Variants in FAR2 observed in about 807,000 individuals in gnomAD.
FAR2 encodes the protein epididymis secretory protein Li 81.
In FAR2, 19 loss-of-function variants were observed where a neutral mutation model predicts 56.0. The observed-to-expected ratio is 0.34, with a 90% CI of 0.24 to 0.50. The LOEUF (loss-of-function observed/expected upper bound fraction) is 0.50. FAR2 is among the 20% of genes least tolerant of loss of function. The pLI, the probability that FAR2 is intolerant of heterozygous loss-of-function variation, is 0.98. For missense variants in FAR2, 508 were observed against 642.2 expected (o/e 0.79, Z 2.26); for synonymous variants, 219 against 218.8 (o/e 1.00, Z -0.01).
rs547149372 is a variant in FAR2, at chr12:29,204,248, C to T, written c.-39+54841C>T. ...TTTTTTCACATTTTTTTTTCAAGTA[C>T]CTCCTCTAAACCAGGACTATGTTGG... On this transcript the variant is annotated intron_variant, in intron 1 of 11. Coordinates refer to ENST00000536681, the MANE Select transcript of FAR2 (RefSeq NM_001271783.2). Among the ~76,000 whole-genome samples, 3 of 151,774 alleles carry T rather than the reference C, an allele frequency of 2.0e-5. No homozygotes were observed. The South Asian group carries it at 6.2e-4, about 32-fold the overall frequency.
intron 1 of FAR2, among the ~76,000 whole-genome samples, chr12:29,197,253 T>C (rs1338832128): frequency 2.0e-5 from 3 of 152,204 alleles, no homozygotes; most frequent in Non-Finnish European, 2.9e-5. Context: ...TGACTGGCTA[T>C]GTTCATTTAG....
intron 11 of FAR2, chr12:29,333,023 A>G (rs1472612823): frequency 4.7e-6 from 2 of 421,856 alleles, no homozygotes; most frequent in Non-Finnish European, 9.0e-6. Flanking sequence ...TTTGAACCCA[A>G]ATTTGTTTCT....
At chr12:29,311,321 T>C (rs1257297021) in intron 7 of FAR2, among the ~76,000 whole-genome samples, 175 bp downstream of exon 7, 1 of 152,204 alleles carries the variant, frequency 6.6e-6, no homozygotes, top group Non-Finnish European at 1.5e-5. Flanking sequence ...AGTTGTTTTA[T>C]AAATACAGTT....
intron 1 of FAR2, among the ~76,000 whole-genome samples, chr12:29,219,099 G>A (rs1024202030): frequency 6.6e-6 from 1 of 152,008 alleles, no homozygotes; most frequent in Non-Finnish European, 1.5e-5. Context: ...ATGTTGCCCA[G>A]GCTGGTCTTG....
At chr12:29,173,726 G>A (rs191367164) in intron 1 of FAR2, among the ~76,000 whole-genome samples, 64 of 152,086 alleles carry the variant, frequency 4.2e-4, no homozygotes, top group Middle Eastern at 3.4e-3. Flanking sequence ...AGACAAAACC[G>A]TCCGCAGTTT....
intron 1 of FAR2, among the ~76,000 whole-genome samples, chr12:29,259,475 G>A (rs773237284): frequency 3.3e-5 from 5 of 152,136 alleles, no homozygotes; most frequent in African/African-American, 7.2e-5. Context: ...TTTCTTATGC[G>A]TTTGAATCTT....
At chr12:29,187,988 CT>C (rs1950060085) in intron 1 of FAR2, among the ~76,000 whole-genome samples, 1 of 152,194 alleles carries the variant, frequency 6.6e-6, no homozygotes, top group Non-Finnish European at 1.5e-5. Context: ...TTTGCTGGCC[CT>C]TGTTCTGGCT....
At chr12:29,273,859 C>A (rs1246347148) in intron 2 of FAR2, among the ~76,000 whole-genome samples, 1 of 152,076 alleles carries the variant, frequency 6.6e-6, no homozygotes. Flanking sequence ...GTAGCATGCT[C>A]ACTCACCACC....
chr12:29,220,474 G>C (rs1191851205), intron 1 of FAR2, among the ~76,000 whole-genome samples: 1 of 152,160 alleles, frequency 6.6e-6, no homozygotes, highest in Non-Finnish European at 1.5e-5. Context: ...TAATGGATGA[G>C]TATGCAGAAA....
chr12:29,320,205 TCAGA>T (rs1252865430), intron 9 of FAR2, among the ~76,000 whole-genome samples: 8 of 152,174 alleles, frequency 5.3e-5, no homozygotes, highest in African/African-American at 1.9e-4. Context: ...AGACCCTGTC[TCAGA>T]CAAACAATAA....
intron 1 of FAR2, among the ~76,000 whole-genome samples, chr12:29,177,281 A>G (rs144214041): frequency 1.2e-4 from 18 of 152,334 alleles, no homozygotes; most frequent in African/African-American, 4.1e-4. Context: ...GATCCAGGAT[A>G]GCAATGGCGG....
At chr12:29,230,540 C>T (rs746786302) in intron 1 of FAR2, among the ~76,000 whole-genome samples, 23 of 151,988 alleles carry the variant, frequency 1.5e-4, no homozygotes, top group Non-Finnish European at 3.1e-4. Context: ...AGAAGTGGAT[C>T]ACCGGGTCTG....
chr12:29,174,423 CTTTTTTTTTTTTT>C (rs55827253), intron 1 of FAR2, among the ~76,000 whole-genome samples: 2 of 55,434 alleles, frequency 3.6e-5, no homozygotes, highest in Admixed American at 3.3e-4. Context: ...GGTTTTTATT[CTTTTTTTTTTTTT>C]TTTTTTTTTT....
chr12:29,263,777 A>T (rs1409517510), intron 1 of FAR2, among the ~76,000 whole-genome samples: 1 of 151,686 alleles, frequency 6.6e-6, no homozygotes, highest in Non-Finnish European at 1.5e-5. Context: ...CAAAACCTGC[A>T]TAGACCAATA....
At chr12:29,218,127 C>G (rs1162202207) in intron 1 of FAR2, among the ~76,000 whole-genome samples, 1 of 151,792 alleles carries the variant, frequency 6.6e-6, no homozygotes, top group South Asian at 2.1e-4. Flanking sequence ...GAGGCCAAGG[C>G]GGGAGGATCA....
At chr12:29,201,426 T>A (rs1947410253) in intron 1 of FAR2, among the ~76,000 whole-genome samples, 2 of 152,182 alleles carry the variant, frequency 1.3e-5, no homozygotes. Context: ...GCTGTCATCA[T>A]TTTGGACAAG....
At chr12:29,323,308 T>A (rs573760762) in intron 10 of FAR2, among the ~76,000 whole-genome samples, 1 of 152,208 alleles carries the variant, frequency 6.6e-6, no homozygotes, top group Non-Finnish European at 1.5e-5. Flanking sequence ...CTCTGTAGGC[T>A]CCACCTCTGG....
intron 1 of FAR2, among the ~76,000 whole-genome samples, chr12:29,231,132 C>T (rs1947850669): frequency 6.6e-6 from 1 of 152,128 alleles, no homozygotes; most frequent in African/African-American, 2.4e-5. Context: ...GGACTGGCTG[C>T]AGTCTGGCAA....
chr12:29,298,918 G>GA (rs1009009270), intron 4 of FAR2, among the ~76,000 whole-genome samples: 20 of 152,068 alleles, frequency 1.3e-4, no homozygotes, highest in African/African-American at 4.6e-4. Context: ...GTTCATCAGA[G>GA]AAAAGAAGTA....
Sources: allele counts gnomAD v4.1 joint callset (sites outside exome capture counted in the v4.1 genomes callset), GRCh38; gene constraint gnomAD v4.1.1; transcripts MANE v1.5; gene names NCBI Gene and HGNC (gene_info 2026-07-23, HGNC 2026-07-21).